Variants in AATF observed in about 807,000 individuals in gnomAD.
AATF encodes the protein apoptosis antagonizing transcription factor.
A neutral mutation model predicts 63.7 loss-of-function variants in AATF; 48 were observed. That is an observed-to-expected ratio of 0.75 (90% CI 0.60 to 0.96). The LOEUF (loss-of-function observed/expected upper bound fraction) is 0.96, where lower values mean the gene tolerates loss of function less well. Ranked by LOEUF, AATF falls within the 40% of genes least tolerant of loss-of-function variation. The pLI, the probability that AATF is intolerant of heterozygous loss-of-function variation, is 0.00. For missense variants in AATF, 639 were observed against 685.7 expected, an observed-to-expected ratio of 0.93 and a Z score of 0.76; for synonymous variants, 258 against 247.7, an observed-to-expected ratio of 1.04 and a Z score of -0.39.
intron 4 of AATF, among the ~76,000 whole-genome samples, chr17:36,955,241 T>C (rs1466727949): frequency 6.6e-6 from 1 of 152,222 alleles, no homozygotes; most frequent in Admixed American, 6.5e-5. Context: ...TCAAGATCAA[T>C]GTGTAGGATT....
At chr17:37,040,747 T>TC (rs11382307) in intron 11 of AATF, among the ~76,000 whole-genome samples, 7,145 of 149,600 alleles carry the variant, frequency 0.048, 480 homozygotes, top group African/African-American at 0.15. Flanking sequence ...TTAAAATGCT[T>TC]CCCCCCCCAC....
intron 10 of AATF, among the ~76,000 whole-genome samples, chr17:37,023,418 T>C (rs2071487559): frequency 6.6e-6 from 1 of 152,160 alleles, no homozygotes; most frequent in Non-Finnish European, 1.5e-5. Context: ...TGCAATTAGA[T>C]ACCTTTGCTT....
chr17:37,031,251 A>G (rs2071549749), intron 10 of AATF: 1 of 237,248 alleles, frequency 4.2e-6, no homozygotes, highest in Non-Finnish European at 8.4e-6. Context: ...TACATTGTAC[A>G]ACTATTTACG....
chr17:37,048,363 CTTTTT>C (rs60374815), intron 11 of AATF, among the ~76,000 whole-genome samples: 1 of 70,842 alleles, frequency 1.4e-5, no homozygotes, highest in Non-Finnish European at 2.7e-5. Context: ...TTTTTCTTTT[CTTTTT>C]TTTTTTTTTT....
intron 4 of AATF, among the ~76,000 whole-genome samples, chr17:36,966,592 T>G (rs954131493): frequency 1.3e-5 from 2 of 152,132 alleles, no homozygotes; most frequent in African/African-American, 2.4e-5. Context: ...TAAATCATAT[T>G]TTTAATCTTT....
At chr17:36,953,657 TA>T in intron 3 of AATF, 112 bp from the exon 4 acceptor site, 1 of 1,010,804 alleles carries the variant, frequency 9.9e-7, no homozygotes, top group Non-Finnish European at 1.5e-6. Context: ...ATTAAACTGC[TA>T]AAGCTGTGGT....
chr17:36,981,183 C>A (rs192173234), intron 4 of AATF, among the ~76,000 whole-genome samples: 4 of 152,256 alleles, frequency 2.6e-5, no homozygotes, highest in Admixed American at 1.3e-4. Flanking sequence ...ACTTGAACAA[C>A]ATAAAAAGGC....
chr17:36,982,868 C>G (rs1054360965), intron 4 of AATF, among the ~76,000 whole-genome samples: 1 of 152,056 alleles, frequency 6.6e-6, no homozygotes, highest in Non-Finnish European at 1.5e-5. Context: ...TCTTCTCAGC[C>G]CCTGGTAACT....
intron 4 of AATF, among the ~76,000 whole-genome samples, chr17:36,979,873 A>G (rs1454605984): frequency 6.6e-6 from 1 of 152,202 alleles, no homozygotes; most frequent in Non-Finnish European, 1.5e-5. Context: ...TGTTAGGTGA[A>G]AATGGTTTTT....
intron 8 of AATF, among the ~76,000 whole-genome samples, chr17:37,005,294 CAG>C (rs1296598976): frequency 6.6e-6 from 1 of 152,068 alleles, no homozygotes; most frequent in Admixed American, 6.6e-5. Context: ...GGGTGTATAT[CAG>C]GGGTGATTAT....
intron 4 of AATF, among the ~76,000 whole-genome samples, chr17:36,985,605 A>C (rs1597713162): frequency 6.6e-6 from 1 of 151,550 alleles, no homozygotes; most frequent in East Asian, 1.9e-4. Context: ...GTGCAGTGGC[A>C]TGATCTTGAC....
chr17:36,986,007 G>A (rs900493019), intron 4 of AATF, among the ~76,000 whole-genome samples: 3 of 152,170 alleles, frequency 2.0e-5, no homozygotes, highest in Non-Finnish European at 4.4e-5. Flanking sequence ...CAAATAGAAA[G>A]TGATTCATTA....
rs139574552 is a variant in AATF, at chr17:36,989,350, G to C, written c.1253G>C (p.Arg418Pro). The change falls in exon 7 of 12, where the codon CGA (arginine) becomes CCA (proline). Residue 418 changes from arginine (R) to proline (P), a missense_variant. Coordinates refer to ENST00000619387, the MANE Select transcript of AATF (RefSeq NM_012138.4). Reference sequence around the variant, plus strand: ...ACACAGACCAAGCGCTCTGTCTATCGAGTTCTTGGCAAACCTGAGCCAGCA... The same window carrying C: ...ACACAGACCAAGCGCTCTGTCTATCCAGTTCTTGGCAAACCTGAGCCAGCA... ...RRTQTKRSVY[R>P]VLGKPEPAAQ... The C allele has an allele frequency of 8.4e-5, 135 of 1,613,886 alleles. No homozygotes were observed. The highest frequency in any genetic ancestry group is 9.6e-5 in the Non-Finnish European group (113 of 1,179,960).
chr17:37,031,698 T>C lies in AATF; in HGVS notation c.1619+13T>C. 2 of 1,608,164 alleles carry C rather than the reference T, an allele frequency of 1.2e-6. No homozygotes were observed. Among genetic ancestry groups the C allele is most frequent in the Non-Finnish European group, 1.7e-6 (2 of 1,174,548 alleles). On this transcript the variant is annotated intron_variant, in intron 11 of 11. Coordinates refer to ENST00000619387, the MANE Select transcript of AATF (RefSeq NM_012138.4). The stretch of plus-strand genomic sequence containing the variant: ...ATGATGATGCCAGGTGAGTAATAGA[T>C]TAATTATGTGTCTCAAATGGCTTCA...
rs35985276 is a variant in AATF at position 37,000,617 on chromosome 17, T to C, written c.1398+9760T>C. On this transcript the variant is annotated intron_variant, in intron 8 of 11. Coordinates refer to ENST00000619387, the MANE Select transcript of AATF (RefSeq NM_012138.4). The stretch of plus-strand genomic sequence containing the variant: ...GGAAGGTCCAGGCTGAAGGTATAAA[T>C]TTGTGAGCCTTCAGCATATAGGTTG... 4.8e-3 allele frequency among the ~76,000 whole-genome samples: 724 copies of C among 152,246 alleles called. 7 individuals are homozygous for C. The highest frequency in any genetic ancestry group is 0.016 in the African/African-American group (666 of 41,534).
At chr17:37,039,703 A>C (rs754940542) in intron 11 of AATF, among the ~76,000 whole-genome samples, 2 of 152,202 alleles carry the variant, frequency 1.3e-5, no homozygotes, top group Non-Finnish European at 2.9e-5. Flanking sequence ...GTAATGTCAG[A>C]AAGGACAAAG....
At chr17:37,042,420 C>CT (rs1256895689) in intron 11 of AATF, among the ~76,000 whole-genome samples, 1 of 142,778 alleles carries the variant, frequency 7.0e-6, no homozygotes, top group Non-Finnish European at 1.5e-5. Context: ...TTGTTTTTTT[C>CT]TTTTTTTAAC....
intron 11 of AATF, among the ~76,000 whole-genome samples, chr17:37,050,790 A>G (rs1445068263): frequency 6.6e-6 from 1 of 152,212 alleles, no homozygotes; most frequent in Admixed American, 6.5e-5. Context: ...TTTTGTGTGC[A>G]GTGTGGGAGA....
chr17:36,992,150 A>G (rs2071220359), intron 8 of AATF, among the ~76,000 whole-genome samples: 1 of 152,230 alleles, frequency 6.6e-6, no homozygotes, highest in Non-Finnish European at 1.5e-5. Flanking sequence ...TAAAGTCAAT[A>G]TAGAACAAGT....
Sources: allele counts gnomAD v4.1 joint callset (sites outside exome capture counted in the v4.1 genomes callset), GRCh38; gene constraint gnomAD v4.1.1; transcripts MANE v1.5; gene names NCBI Gene and HGNC (gene_info 2026-07-23, HGNC 2026-07-21).